Variants in FSTL4 observed in about 807,000 individuals in gnomAD.
The protein encoded by FSTL4 is follistatin like 4.
FSTL4 carries 28 observed loss-of-function variants against 78.2 expected under a neutral mutation model. The observed-to-expected ratio is 0.36, with a 90% confidence interval of 0.27 to 0.49. The LOEUF (loss-of-function observed/expected upper bound fraction) is 0.49, where lower values mean the gene tolerates loss of function less well. FSTL4 is among the 20% of genes least tolerant of loss of function. The probability of loss-of-function intolerance (pLI) is 0.98; values close to 1 mark genes in which losing one functional copy is unlikely to be tolerated. For missense variants in FSTL4, 922 were observed against 1,084.9 expected (o/e 0.85, Z 2.11); for synonymous variants, 422 against 440.5 (o/e 0.96, Z 0.53).
rs1290064083 is a variant in FSTL4 at position 133,224,590 on chromosome 5, G to A, written c.1313-374C>T. On this transcript the variant is annotated intron_variant, in intron 10 of 15. Transcript: ENST00000265342. ...ACTAGGATTCTCCTAAGATGACCAC[G>A]TGAAATACTTCTGATTATCTACTTT... 5.3e-5 allele frequency among the ~76,000 whole-genome samples: 8 copies of A among 152,194 alleles called. No individual in the cohort carries two copies. In the South Asian group the frequency reaches 1.2e-3, roughly 24 times the overall value.
At chr5:133,474,881 C>A (rs1015403749) in intron 3 of FSTL4, among the ~76,000 whole-genome samples, 1 of 152,248 alleles carries the variant, frequency 6.6e-6, no homozygotes, top group Non-Finnish European at 1.5e-5. Context: ...ATGGCACCCA[C>A]TTCCTCCCGG....
chr5:133,510,162 T>G (rs892935343), intron 3 of FSTL4, among the ~76,000 whole-genome samples: 1 of 152,200 alleles, frequency 6.6e-6, no homozygotes, highest in Admixed American at 6.5e-5. Context: ...CATAGTGTGA[T>G]TAACTAATTT....
At chr5:133,794,130 ACTGCCATT>A in the FSTL4 span, among the ~76,000 whole-genome samples, 20 of 150,538 alleles carry the variant, frequency 1.3e-4, no homozygotes, top group Non-Finnish European at 2.7e-4. Flanking sequence ...CTGCAGATGC[ACTGCCATT>A]CTGGGCTGAT....
chr5:133,835,506 A>G, the FSTL4 span, among the ~76,000 whole-genome samples: 1 of 152,268 alleles, frequency 6.6e-6, no homozygotes, highest in Non-Finnish European at 1.5e-5. Context: ...CAGGGCACTT[A>G]CTATGTAACA....
chr5:133,320,986 G>T (rs941243991), intron 4 of FSTL4, among the ~76,000 whole-genome samples: 1 of 129,742 alleles, frequency 7.7e-6, no homozygotes, highest in African/African-American at 3.0e-5. Flanking sequence ...CAGCCTGGGT[G>T]ACAGAGCGAG....
intron 3 of FSTL4, among the ~76,000 whole-genome samples, chr5:133,520,387 C>G (rs574895169): frequency 7.0e-6 from 1 of 143,578 alleles, no homozygotes; most frequent in Non-Finnish European, 1.5e-5. Flanking sequence ...TGGGGAGCAC[C>G]AAGATGGGAA....
chr5:133,537,891 GTATATATTTATACATA>G (rs375087910), intron 3 of FSTL4, among the ~76,000 whole-genome samples: 3,646 of 151,356 alleles, frequency 0.024, 145 homozygotes, highest in African/African-American at 0.084. Flanking sequence ...AGGCATACAT[GTATATATTTATACATA>G]TATAAACACA....
chr5:133,643,095 C>A, the FSTL4 span, among the ~76,000 whole-genome samples: 1 of 152,138 alleles, frequency 6.6e-6, no homozygotes, highest in East Asian at 1.9e-4. Flanking sequence ...CGGAGACTGC[C>A]TATATATTCT....
At chr5:133,732,974 C>T in the FSTL4 span, among the ~76,000 whole-genome samples, 1 of 152,238 alleles carries the variant, frequency 6.6e-6, no homozygotes, top group Admixed American at 6.5e-5. Flanking sequence ...CTTCTCTATG[C>T]TCAAGTCCGT....
intron 2 of FSTL4, among the ~76,000 whole-genome samples, chr5:133,572,182 C>T (rs1760172367): frequency 6.6e-6 from 1 of 152,022 alleles, no homozygotes. Flanking sequence ...AGAACATTGC[C>T]TATAAGGGAG....
chr5:133,627,451 A>G, the FSTL4 span, among the ~76,000 whole-genome samples: 1 of 152,184 alleles, frequency 6.6e-6, no homozygotes, highest in South Asian at 2.1e-4. Context: ...TCATGATTCA[A>G]TTATCTCTCA....
At chr5:133,809,674 G>A in the FSTL4 span, among the ~76,000 whole-genome samples, 12 of 152,174 alleles carry the variant, frequency 7.9e-5, no homozygotes, top group Non-Finnish European at 1.6e-4. Context: ...GTGGCCAGAT[G>A]AGACTAGTTC....
intron 4 of FSTL4, among the ~76,000 whole-genome samples, chr5:133,357,117 G>A (rs1293140398): frequency 1.3e-5 from 2 of 152,224 alleles, no homozygotes; most frequent in East Asian, 3.9e-4. Context: ...TAGCCTGCTG[G>A]TCAGTGTGGC....
chr5:133,235,270 A>G (rs1751621856), intron 7 of FSTL4, among the ~76,000 whole-genome samples: 1 of 152,178 alleles, frequency 6.6e-6, no homozygotes, highest in African/African-American at 2.4e-5. Context: ...ACTTGAGGTC[A>G]GGAGTTTGAG....
intron 3 of FSTL4, among the ~76,000 whole-genome samples, chr5:133,447,503 A>G (rs1757293027): frequency 2.0e-5 from 3 of 152,200 alleles, no homozygotes; most frequent in Admixed American, 2.0e-4. Flanking sequence ...ACCGAAACAC[A>G]TGATAAGCAA....
chr5:133,735,412 C>T, the FSTL4 span, among the ~76,000 whole-genome samples: 36 of 152,126 alleles, frequency 2.4e-4, no homozygotes, highest in African/African-American at 6.7e-4. Flanking sequence ...TGCAGTGAGC[C>T]GAGATCGTGC....
intron 6 of FSTL4, among the ~76,000 whole-genome samples, chr5:133,251,239 C>T (rs375133293): frequency 6.6e-6 from 1 of 152,142 alleles, no homozygotes; most frequent in African/African-American, 2.4e-5. Flanking sequence ...TAGCTCCCAC[C>T]GTACTCTGCG....
At chr5:133,565,154 T>C (rs1759999796) in intron 3 of FSTL4, among the ~76,000 whole-genome samples, 1 of 152,250 alleles carries the variant, frequency 6.6e-6, no homozygotes, top group South Asian at 2.1e-4. Context: ...ATTACTCATC[T>C]GTTCCTCTTT....
intron 3 of FSTL4, among the ~76,000 whole-genome samples, chr5:133,507,027 G>A (rs1375938989): frequency 6.6e-6 from 1 of 152,108 alleles, no homozygotes; most frequent in Non-Finnish European, 1.5e-5. Context: ...GGCCAACATG[G>A]CAAAACCCCA....
Sources: allele counts gnomAD v4.1 joint callset (sites outside exome capture counted in the v4.1 genomes callset), GRCh38; gene constraint gnomAD v4.1.1; transcripts MANE v1.5; gene names NCBI Gene and HGNC (gene_info 2026-07-23, HGNC 2026-07-21).